Variants in RALYL observed in about 807,000 individuals in gnomAD.
RALYL encodes the protein RNA-binding Raly-like protein.
RALYL carries 29 observed loss-of-function variants against 35.1 expected under a neutral mutation model. The observed-to-expected ratio is 0.83, with a 90% CI of 0.61 to 1.13. The LOEUF is 1.13. Among genes scored for constraint, RALYL ranks in the 50% most tolerant of loss-of-function variants. RALYL has a pLI of 0.00. For missense variants in RALYL, 359 were observed against 360.4 expected (o/e 1.00, Z 0.03); for synonymous variants, 120 against 127.6 (o/e 0.94, Z 0.40).
intron 1 of RALYL, among the ~76,000 whole-genome samples, chr8:84,401,786 G>C (rs1274659249): frequency 6.6e-6 from 1 of 151,664 alleles, no homozygotes; most frequent in Admixed American, 6.6e-5. Flanking sequence ...TATTGAAATG[G>C]GTTATGACTC....
At chr8:84,589,046 C>T (rs976182711) in intron 2 of RALYL, among the ~76,000 whole-genome samples, 2 of 151,958 alleles carry the variant, frequency 1.3e-5, no homozygotes, top group African/African-American at 4.8e-5. Flanking sequence ...TACAGGCATG[C>T]GCCACCACGC....
intron 1 of RALYL, among the ~76,000 whole-genome samples, chr8:84,481,674 G>A (rs969877018): frequency 1.3e-5 from 2 of 152,088 alleles, no homozygotes; most frequent in African/African-American, 4.8e-5. Context: ...TACAAACATT[G>A]ATAAATACTA....
intron 4 of RALYL, among the ~76,000 whole-genome samples, chr8:84,807,605 T>C (rs1294694688): frequency 1.3e-5 from 2 of 152,210 alleles, no homozygotes; most frequent in Admixed American, 6.5e-5. Flanking sequence ...TTTTCTATAG[T>C]GGTTGTACTA....
intron 1 of RALYL, among the ~76,000 whole-genome samples, chr8:84,203,750 A>T (rs763975774): frequency 4.6e-5 from 7 of 152,126 alleles, no homozygotes; most frequent in Non-Finnish European, 1.0e-4. Flanking sequence ...TTTTTCCTAG[A>T]TTATATGCTT....
At chr8:84,426,438 CTGTGTGTG>C (rs71271987) in intron 1 of RALYL, among the ~76,000 whole-genome samples, 4 of 136,110 alleles carry the variant, frequency 2.9e-5, no homozygotes, top group South Asian at 2.7e-4. Context: ...CTCTCTCTCT[CTGTGTGTG>C]TGTGTGTGTG....
chr8:84,208,378 C>T (rs1326344032), intron 1 of RALYL, among the ~76,000 whole-genome samples: 3 of 151,834 alleles, frequency 2.0e-5, no homozygotes, highest in Non-Finnish European at 4.4e-5. Context: ...CATGAGTAAT[C>T]CTTCTCCCCT....
At chr8:84,641,363 T>G (rs955702422) in intron 2 of RALYL, among the ~76,000 whole-genome samples, 1 of 151,734 alleles carries the variant, frequency 6.6e-6, no homozygotes, top group African/African-American at 2.4e-5. Flanking sequence ...GGGTAAGAAA[T>G]CCTGAACTAT....
intron 4 of RALYL, among the ~76,000 whole-genome samples, chr8:84,825,865 CA>C (rs763027939): frequency 1.2e-4 from 19 of 152,022 alleles, no homozygotes; most frequent in Non-Finnish European, 2.4e-4. Flanking sequence ...AGATCCATCT[CA>C]AAAACCAAAA....
chr8:84,308,906 TATAAAA>T (rs1330185589), intron 1 of RALYL, among the ~76,000 whole-genome samples: 2 of 151,672 alleles, frequency 1.3e-5, no homozygotes, highest in East Asian at 3.9e-4. Flanking sequence ...TGGGCAAAGA[TATAAAA>T]ATAAAATGCT....
intron 2 of RALYL, among the ~76,000 whole-genome samples, chr8:84,712,696 A>C (rs1842383613): frequency 6.6e-6 from 1 of 152,162 alleles, no homozygotes; most frequent in Non-Finnish European, 1.5e-5. Context: ...CTCTGTCCCC[A>C]GGTGTTTAGG....
chr8:84,755,690 A>G, intron 2 of RALYL, among the ~76,000 whole-genome samples: 1 of 152,042 alleles, frequency 6.6e-6, no homozygotes, highest in Middle Eastern at 3.4e-3. Flanking sequence ...TTAATATTTA[A>G]TCATATATAT....
chr8:84,395,269 G>A (rs1861545934), intron 1 of RALYL, among the ~76,000 whole-genome samples: 1 of 151,638 alleles, frequency 6.6e-6, no homozygotes, highest in Non-Finnish European at 1.5e-5. Flanking sequence ...TCACTGTTAG[G>A]ATGCTTTATT....
At chr8:84,720,310 AC>A (rs1843658000) in intron 2 of RALYL, among the ~76,000 whole-genome samples, 1 of 152,158 alleles carries the variant, frequency 6.6e-6, no homozygotes, top group African/African-American at 2.4e-5. Flanking sequence ...AAAAATAGAC[AC>A]ATAGACAAAT....
intron 3 of RALYL, among the ~76,000 whole-genome samples, chr8:84,795,421 AATG>A (rs1563621486): frequency 6.6e-6 from 1 of 152,212 alleles, no homozygotes; most frequent in Non-Finnish European, 1.5e-5. Flanking sequence ...TAGACATGAT[AATG>A]ATGTCAACTT....
intron 2 of RALYL, among the ~76,000 whole-genome samples, chr8:84,537,337 G>A (rs1486441173): frequency 6.6e-6 from 1 of 151,738 alleles, no homozygotes; most frequent in Admixed American, 6.6e-5. Context: ...GGGCTTGGTG[G>A]CATGCACCTG....
In RALYL at chr8:84,388,692, G is replaced by GT. The variant is rs894264219; in HGVS notation, c.-23-140599dup. 4.6e-5 allele frequency among the ~76,000 whole-genome samples: 7 copies of GT among 151,382 alleles called. No individual in the cohort carries two copies. In the South Asian group the frequency reaches 8.4e-4, roughly 18 times the overall value. ...CGCCCACTTTTTGATGGGGTTGTTT[G>GT]TTTTTTTTCTTGTAAATTTGTTTGA... On this transcript the variant is annotated intron_variant, in intron 1 of 8. Transcript: ENST00000521268.
At chr8:84,801,558 G>C (rs935114047) in intron 3 of RALYL, among the ~76,000 whole-genome samples, 7 of 152,122 alleles carry the variant, frequency 4.6e-5, no homozygotes, top group East Asian at 1.9e-4. Context: ...TAAAATGAAG[G>C]CTTCAAGATC....
At chr8:84,916,314 A>G (rs1017388623) in intron 8 of RALYL, among the ~76,000 whole-genome samples, 5 of 152,010 alleles carry the variant, frequency 3.3e-5, no homozygotes, top group African/African-American at 1.2e-4. Flanking sequence ...ATAGAAAATG[A>G]TATCATTAAC....
chr8:84,811,256 G>A (rs953061344), intron 4 of RALYL, among the ~76,000 whole-genome samples: 3 of 152,028 alleles, frequency 2.0e-5, no homozygotes, highest in Non-Finnish European at 4.4e-5. Context: ...AAGATGGTAT[G>A]TTTCCTTTAT....
Sources: gnomAD v4.1 joint callset for allele counts (sites outside exome capture counted in the v4.1 genomes callset) on GRCh38, gnomAD v4.1.1 for gene constraint, MANE v1.5 for transcripts, NCBI Gene and HGNC (gene_info 2026-07-23, HGNC 2026-07-21) for gene names.